IL1RAPL1: variants seen among roughly 807,000 people sequenced by gnomAD.
The protein encoded by IL1RAPL1 is interleukin-1 receptor accessory protein-like 1.
IL1RAPL1 carries 3 observed loss-of-function variants against 48.4 expected under a neutral mutation model. The observed-to-expected ratio is 0.06, with a 90% confidence interval of 0.03 to 0.16. The LOEUF (loss-of-function observed/expected upper bound fraction) is 0.16, where lower values mean the gene tolerates loss of function less well. Among genes scored for constraint, IL1RAPL1 ranks in the 10% least tolerant of loss-of-function variants. IL1RAPL1 has a pLI of 1.00. For synonymous variants in IL1RAPL1, 185 were observed against 187.7 expected (o/e 0.99, Z 0.12); for missense variants, 349 against 530.6 (o/e 0.66, Z 3.36).
intron 2 of IL1RAPL1, among the ~76,000 whole-genome samples, chrX:29,013,198 T>TAAAA (rs367692415): frequency 1.0e-5 from 1 of 97,325 alleles, no homozygotes; most frequent in Non-Finnish European, 2.1e-5. Flanking sequence ...ATTAAAAAGT[T>TAAAA]AAAAAAAAAA....
intron 9 of IL1RAPL1, among the ~76,000 whole-genome samples, chrX:29,948,709 A>C (rs1933257681): frequency 9.0e-6 from 1 of 110,870 alleles, no homozygotes; most frequent in African/African-American, 3.3e-5. Context: ...TTTAGGATTA[A>C]AAAAAGATGA....
chrX:29,100,015 C>T (rs1381245514), intron 2 of IL1RAPL1, among the ~76,000 whole-genome samples: 4 of 110,042 alleles, frequency 3.6e-5, no homozygotes, highest in Non-Finnish European at 5.7e-5. Context: ...AGATCAAGAC[C>T]ATCCTGGCCA....
At chrX:28,663,108 C>G (rs1296824097) in intron 1 of IL1RAPL1, among the ~76,000 whole-genome samples, 1 of 111,934 alleles carries the variant, frequency 8.9e-6, no homozygotes, top group Non-Finnish European at 1.9e-5. Context: ...AAGAAGAAAG[C>G]AAATTCCAAT....
At chrX:29,892,737 G>A (rs1391359311) in intron 6 of IL1RAPL1, among the ~76,000 whole-genome samples, 1 of 112,137 alleles carries the variant, frequency 8.9e-6, no homozygotes, top group Admixed American at 9.4e-5. Context: ...ATGTGAGGAT[G>A]GCAAAAGAGG....
chrX:29,869,278 G>A (rs1198128342), intron 6 of IL1RAPL1, among the ~76,000 whole-genome samples: 3 of 112,010 alleles, frequency 2.7e-5, no homozygotes, highest in African/African-American at 9.7e-5. Flanking sequence ...TTTTAGCGTT[G>A]TGGATTGTCA....
At chrX:29,160,144 A>G (rs1291664344) in intron 2 of IL1RAPL1, among the ~76,000 whole-genome samples, 1 of 111,972 alleles carries the variant, frequency 8.9e-6, no homozygotes, top group Non-Finnish European at 1.9e-5. Context: ...AACTATGCAA[A>G]TTATGTTTTC....
At position 29,032,694 on chromosome X, in the gene IL1RAPL1, T is replaced by C. The variant is rs968193127; in HGVS notation, c.82+243269T>C. 3.5e-5 allele frequency among the ~76,000 whole-genome samples: 4 copies of C among 112,963 alleles called. No homozygotes were observed. In the East Asian group the frequency reaches 1.1e-3, roughly 32 times the overall value. On this transcript the variant is annotated intron_variant, in intron 2 of 10. Coordinates refer to ENST00000378993, the MANE Select transcript of IL1RAPL1 (RefSeq NM_014271.4). ...TTCATTCTTAGTGCTTAATCTCCAT[T>C]TTTTCTTCTAGCTTGCATGCATGCA...
In IL1RAPL1 at chrX:29,843,193, G is replaced by A. The variant is rs183194701; in HGVS notation, c.779-74271G>A. 2.1e-3 allele frequency among the ~76,000 whole-genome samples: 235 copies of A among 111,557 alleles called. 1 individual carries two copies. Among genetic ancestry groups the A allele is most frequent in the African/African-American group, 7.6e-3 (232 of 30,727 alleles). On this transcript the variant is annotated intron_variant, in intron 6 of 10. Coordinates refer to ENST00000378993, the MANE Select transcript of IL1RAPL1 (RefSeq NM_014271.4). ...CACTGATAGACAAGATGGAATGTTAGCCTTATTAATGCAACTGGTGCAATG... is the reference window on the plus strand; with the variant it reads ...CACTGATAGACAAGATGGAATGTTAACCTTATTAATGCAACTGGTGCAATG...
At chrX:28,744,831 G>A (rs1935954645) in intron 1 of IL1RAPL1, among the ~76,000 whole-genome samples, 1 of 111,772 alleles carries the variant, frequency 8.9e-6, no homozygotes, top group African/African-American at 3.2e-5. Flanking sequence ...TGTGTGGTCA[G>A]TAAAGTCCTC....
intron 2 of IL1RAPL1, among the ~76,000 whole-genome samples, chrX:28,888,272 AC>A (rs1187915272): frequency 9.1e-6 from 1 of 110,380 alleles, no homozygotes; most frequent in Non-Finnish European, 1.9e-5. Flanking sequence ...AAAAAAAAAA[AC>A]AAAAACATAA....
intron 2 of IL1RAPL1, among the ~76,000 whole-genome samples, chrX:29,006,320 C>G (rs1436836488): frequency 9.1e-6 from 1 of 110,445 alleles, no homozygotes; most frequent in Non-Finnish European, 1.9e-5. Flanking sequence ...TCGAGACCAG[C>G]CTGGCCAACA....
chrX:29,010,089 T>G (rs1051179311), intron 2 of IL1RAPL1, among the ~76,000 whole-genome samples: 4 of 112,310 alleles, frequency 3.6e-5, no homozygotes, highest in Admixed American at 2.8e-4. Context: ...TGCTACAAAT[T>G]TTTGTACATT....
intron 1 of IL1RAPL1, among the ~76,000 whole-genome samples, chrX:28,608,513 A>C (rs1255531409): frequency 2.7e-5 from 3 of 111,991 alleles, no homozygotes; most frequent in African/African-American, 6.5e-5. Context: ...ACTGAAGAAA[A>C]TGCCTTACCT....
At chrX:29,765,510 T>TTAA (rs1337861733) in intron 6 of IL1RAPL1, among the ~76,000 whole-genome samples, 4 of 112,001 alleles carry the variant, frequency 3.6e-5, no homozygotes, top group Non-Finnish European at 5.6e-5. Context: ...AATTACATGT[T>TTAA]TAATACCCAT....
At chrX:29,406,173 A>G (rs1468760781) in intron 5 of IL1RAPL1, among the ~76,000 whole-genome samples, 1 of 111,321 alleles carries the variant, frequency 9.0e-6, no homozygotes, top group African/African-American at 3.3e-5. Flanking sequence ...GCGGATCACA[A>G]GGTCAGGAGA....
At chrX:29,077,998 CCCAGCACGG>C (rs750796281) in intron 2 of IL1RAPL1, among the ~76,000 whole-genome samples, 27 of 112,228 alleles carry the variant, frequency 2.4e-4, no homozygotes, top group Non-Finnish European at 4.5e-4. Context: ...CAACAGGCGG[CCCAGCACGG>C]TGGCTCGTGC....
chrX:28,917,852 A>G (rs985584660), intron 2 of IL1RAPL1, among the ~76,000 whole-genome samples: 1 of 112,313 alleles, frequency 8.9e-6, no homozygotes, highest in African/African-American at 3.2e-5. Flanking sequence ...AGCCATCATC[A>G]CCATCCATGT....
intron 3 of IL1RAPL1, among the ~76,000 whole-genome samples, chrX:29,350,191 T>TATATATATATATATATA (rs1933204677): frequency 2.5e-5 from 1 of 39,432 alleles, no homozygotes; most frequent in African/African-American, 1.7e-4. Flanking sequence ...TACTGTTATT[T>TATATATATATATATATA]TATATATATA....
intron 6 of IL1RAPL1, among the ~76,000 whole-genome samples, chrX:29,873,378 GC>G (rs756692604): frequency 0.014 from 1,365 of 99,690 alleles, 18 homozygotes; most frequent in African/African-American, 0.034. Flanking sequence ...GGATGTTTGT[GC>G]CCCCCCCCCA....
Sources: gnomAD v4.1 joint callset for allele counts (sites outside exome capture counted in the v4.1 genomes callset) on GRCh38, gnomAD v4.1.1 for gene constraint, MANE v1.5 for transcripts, NCBI Gene and HGNC (gene_info 2026-07-23, HGNC 2026-07-21) for gene names.